The following CCDC141 variants were observed in gnomAD, a reference collection of about 807,000 sequenced individuals.
The protein encoded by CCDC141 is coiled-coil domain-containing protein 141.
CCDC141 carries 168 observed loss-of-function variants against 181.0 expected under a neutral mutation model. The ratio of observed to expected loss-of-function variants is 0.93; its 90% confidence interval spans 0.82 to 1.05. The LOEUF (loss-of-function observed/expected upper bound fraction) is 1.05. CCDC141 is among the 50% of genes least tolerant of loss of function. The pLI is 0.00. For synonymous variants in CCDC141, 666 were observed against 642.3 expected, an observed-to-expected ratio of 1.04 and a Z score of -0.56; for missense variants, 1,902 against 1,788.5, an observed-to-expected ratio of 1.06 and a Z score of -1.14.
At chr2:178,976,610 T>A (rs1241652214) in intron 3 of CCDC141, among the ~76,000 whole-genome samples, 1 of 152,228 alleles carries the variant, frequency 6.6e-6, no homozygotes, top group Non-Finnish European at 1.5e-5. Flanking sequence ...ATAACCCAAC[T>A]GACAGTTATG....
chr2:178,993,105 T>C (rs535874620), intron 2 of CCDC141, among the ~76,000 whole-genome samples: 1 of 152,206 alleles, frequency 6.6e-6, no homozygotes, highest in African/African-American at 2.4e-5. Flanking sequence ...GATTCTAAAA[T>C]AAAGGAAACA....
chr2:178,853,413 T>A (rs1685249629), intron 20 of CCDC141, 28 bp downstream of exon 20: 2 of 1,606,028 alleles, frequency 1.2e-6, no homozygotes, highest in Non-Finnish European at 1.7e-6. Flanking sequence ...CAATGGCCAA[T>A]CACTGGATAT....
intron 6 of CCDC141, among the ~76,000 whole-genome samples, chr2:178,932,996 T>C (rs1330486780): frequency 2.0e-5 from 3 of 152,132 alleles, no homozygotes; most frequent in African/African-American, 7.2e-5. Flanking sequence ...TCTGAAGATC[T>C]CCAAATAATA....
intron 11 of CCDC141, among the ~76,000 whole-genome samples, chr2:178,883,065 CA>C (rs1686704181): frequency 6.6e-6 from 1 of 152,126 alleles, no homozygotes; most frequent in Non-Finnish European, 1.5e-5. Flanking sequence ...TTGTTGTTTG[CA>C]AAGCTAAGCC....
chr2:178,850,487 C>G (rs1386384767), intron 20 of CCDC141, among the ~76,000 whole-genome samples: 1 of 152,166 alleles, frequency 6.6e-6, no homozygotes, highest in African/African-American at 2.4e-5. Context: ...AGAATAAATT[C>G]CTCAGGATGG....
chr2:178,881,495 G>A (rs1312787238), intron 11 of CCDC141, among the ~76,000 whole-genome samples: 1 of 152,190 alleles, frequency 6.6e-6, no homozygotes, highest in Non-Finnish European at 1.5e-5. Flanking sequence ...ACGGCAGAAA[G>A]ATTAAGAGGA....
At chr2:178,868,316 C>T (rs1685945416) in intron 15 of CCDC141, 111 bp from the exon 16 acceptor site, 1 of 816,816 alleles carries the variant, frequency 1.2e-6, no homozygotes, top group Admixed American at 2.5e-5. Context: ...CTGCCAAGCC[C>T]ATCTTTAAAC....
intron 2 of CCDC141, among the ~76,000 whole-genome samples, chr2:179,041,347 G>T (rs753514029): frequency 4.0e-5 from 6 of 151,666 alleles, no homozygotes; most frequent in Non-Finnish European, 8.8e-5. Context: ...GTATGAGATG[G>T]TATCTCATTG....
intron 3 of CCDC141, 97 bp downstream of exon 3, chr2:178,978,387 C>T (rs1267859167): frequency 1.4e-5 from 11 of 784,484 alleles, no homozygotes; most frequent in Non-Finnish European, 2.0e-5. Context: ...ATTTTTTTAA[C>T]TGCTTGCAAT....
chr2:178,981,657 T>TATATATATATATATATATATATATATAC (rs1553495348), intron 2 of CCDC141, among the ~76,000 whole-genome samples: 13 of 132,038 alleles, frequency 9.8e-5, no homozygotes, highest in South Asian at 2.5e-4. Context: ...TATATATATA[T>TATATATATATATATATATATATATATAC]ACATACATAT....
intron 2 of CCDC141, among the ~76,000 whole-genome samples, chr2:179,042,428 A>T (rs934585383): frequency 2.6e-5 from 4 of 152,136 alleles, no homozygotes; most frequent in Non-Finnish European, 5.9e-5. Context: ...GCTTACTGCA[A>T]CCTCTGTCTC....
chr2:178,959,742 T>G (rs1356270909), intron 5 of CCDC141, among the ~76,000 whole-genome samples: 1 of 152,070 alleles, frequency 6.6e-6, no homozygotes, highest in Non-Finnish European at 1.5e-5. Context: ...AAGTGTATGG[T>G]GACTTAGAAG....
intron 6 of CCDC141, chr2:178,926,677 G>C (rs1688918685): frequency 6.6e-6 from 1 of 152,134 alleles, no homozygotes; most frequent in Non-Finnish European, 1.5e-5. Flanking sequence ...TAATTTAAAA[G>C]GGAAAAGGAT....
At chr2:178,892,068 C>T (rs1013516529) in intron 8 of CCDC141, among the ~76,000 whole-genome samples, 4 of 152,138 alleles carry the variant, frequency 2.6e-5, no homozygotes, top group African/African-American at 7.2e-5. Flanking sequence ...TTTGAAATGT[C>T]GTAGTAACAG....
intron 2 of CCDC141, among the ~76,000 whole-genome samples, chr2:179,032,875 G>A (rs979289988): frequency 1.3e-5 from 2 of 151,892 alleles, no homozygotes; most frequent in African/African-American, 4.8e-5. Flanking sequence ...AGAGTCAGAA[G>A]TTTGCTTTAT....
chr2:178,822,051 T>C, the CCDC141 span, among the ~76,000 whole-genome samples: 25 of 152,226 alleles, frequency 1.6e-4, no homozygotes, highest in African/African-American at 5.5e-4. Context: ...ATGTGGCACA[T>C]ATACAACATG....
rs79972985 is a variant in CCDC141 at position 178,965,345 on chromosome 2, A to T, written c.527-3862T>A. Among the ~76,000 whole-genome samples the T allele has an allele frequency of 4.8e-3, 726 of 152,326 alleles. 7 individuals are homozygous for T. Among genetic ancestry groups the T allele is most frequent in the African/African-American group, 0.017 (696 of 41,584 alleles). On this transcript the variant is annotated intron_variant, in intron 4 of 23. Coordinates refer to ENST00000443758, the MANE Select transcript of CCDC141 (RefSeq NM_173648.4). ...CCACGATTGCTGGCAAGATAGCTGA[A>T]TAGGAACAGCTCGGGTCTGCAGCTC...
At chr2:178,995,989 G>A (rs1265878197) in intron 2 of CCDC141, among the ~76,000 whole-genome samples, 1 of 151,938 alleles carries the variant, frequency 6.6e-6, no homozygotes, top group Admixed American at 6.6e-5. Flanking sequence ...TATATAAGAT[G>A]AAAACATTAT....
chr2:178,990,327 T>G (rs1691988781), intron 2 of CCDC141, among the ~76,000 whole-genome samples: 1 of 151,414 alleles, frequency 6.6e-6, no homozygotes, highest in Non-Finnish European at 1.5e-5. Context: ...GAAATTATGC[T>G]CCTAGGCATA....
Sources: allele counts gnomAD v4.1 joint callset (sites outside exome capture counted in the v4.1 genomes callset), GRCh38; gene constraint gnomAD v4.1.1; transcripts MANE v1.5; gene names NCBI Gene and HGNC (gene_info 2026-07-23, HGNC 2026-07-21).